TTC39B: variants seen among roughly 807,000 people sequenced by gnomAD.
TTC39B encodes tetratricopeptide repeat domain 39B, also known as tetratricopeptide repeat protein 39B.
In TTC39B, 92 loss-of-function variants were observed where a neutral mutation model predicts 96.6. That is an observed-to-expected ratio of 0.95 (90% CI 0.80 to 1.13). The LOEUF is 1.13. TTC39B is among the 50% of genes most tolerant of loss of function. TTC39B has a pLI of 0.00. For synonymous variants in TTC39B, 367 were observed against 299.4 expected (o/e 1.23, Z -2.33); for missense variants, 955 against 809.3 (o/e 1.18, Z -2.18).
chr9:15,188,496 G>A (rs1352301858), intron 13 of TTC39B, among the ~76,000 whole-genome samples: 2 of 152,110 alleles, frequency 1.3e-5, no homozygotes, highest in Non-Finnish European at 2.9e-5. Context: ...CACTATCTAC[G>A]TAACTGGCAA....
At chr9:15,252,039 C>T (rs1239585336) in intron 2 of TTC39B, among the ~76,000 whole-genome samples, 4 of 151,818 alleles carry the variant, frequency 2.6e-5, no homozygotes, top group Non-Finnish European at 4.4e-5. Flanking sequence ...ATATCATGTG[C>T]GCTGTACTAC....
At chr9:15,181,507 G>T (rs1818246985) in intron 17 of TTC39B, among the ~76,000 whole-genome samples, 1 of 152,196 alleles carries the variant, frequency 6.6e-6, no homozygotes, top group South Asian at 2.1e-4. Context: ...GTGTTACCCA[G>T]AGTCTGATGG....
chr9:15,253,648 G>A (rs576694982), intron 2 of TTC39B, among the ~76,000 whole-genome samples: 2 of 152,328 alleles, frequency 1.3e-5, no homozygotes, highest in Non-Finnish European at 2.9e-5. Flanking sequence ...GTCTGCTTAT[G>A]TCCCTTTGCC....
At chr9:15,219,830 AGGG>A (rs1820743126) in intron 3 of TTC39B, among the ~76,000 whole-genome samples, 2 of 152,216 alleles carry the variant, frequency 1.3e-5, no homozygotes, top group Admixed American at 1.3e-4. Flanking sequence ...GTGAGCTAGT[AGGG>A]CAGGCTCTAC....
At chr9:15,169,975 T>C (rs996439933) in exon 20 of TTC39B, 3 of 152,170 alleles carry the variant, frequency 2.0e-5, no homozygotes, top group African/African-American at 4.8e-5. Flanking sequence ...ACAGTCACAA[T>C]GTGAGTGTGC....
At chr9:15,168,259 G>C (rs530772866) in exon 20 of TTC39B, 1 of 152,224 alleles carries the variant, frequency 6.6e-6, no homozygotes, top group South Asian at 2.1e-4. Context: ...GAAACAACAC[G>C]GTTTACAGGC....
chr9:15,195,309 T>C (rs1331960381), intron 8 of TTC39B, among the ~76,000 whole-genome samples: 1 of 151,928 alleles, frequency 6.6e-6, no homozygotes, highest in Non-Finnish European at 1.5e-5. Flanking sequence ...GTGAGGAAGC[T>C]GAAGAAAAAA....
chr9:15,175,033 G>A (rs557200013), exon 19 of TTC39B: 1 of 1,613,176 alleles, frequency 6.2e-7, no homozygotes, highest in African/African-American at 1.3e-5. Flanking sequence ...CAGTTTCTAG[G>A]AACTTTATGG....
chr9:15,231,480 T>C (rs1236693946), intron 2 of TTC39B, among the ~76,000 whole-genome samples: 3 of 152,260 alleles, frequency 2.0e-5, no homozygotes, highest in Non-Finnish European at 4.4e-5. Flanking sequence ...AAGTACTTAA[T>C]GGCCAATTGT....
Position 15,175,139 on chromosome 9 carries a change from A to G in TTC39B, c.1842-4T>C. ...GTCATACTTCAGTAGCTTTTCACTG[A>G]AAGAGCAGAGGAAAATCAAGTAAAT... On this transcript the variant is annotated splice_region_variant and splice_polypyrimidine_tract_variant and intron_variant, in intron 18 of 19. Transcript: ENST00000512701. 6.3e-7 allele frequency: 1 copy of G among 1,591,854 alleles called. No individual in the cohort carries two copies. The highest frequency in any genetic ancestry group is 8.6e-7 in the Non-Finnish European group (1 of 1,160,632).
At chr9:15,186,244 T>C (rs1818517017) in intron 15 of TTC39B, among the ~76,000 whole-genome samples, 1 of 152,208 alleles carries the variant, frequency 6.6e-6, no homozygotes, top group Non-Finnish European at 1.5e-5. Context: ...AGCTATGGAT[T>C]TTAAACTACA....
intron 2 of TTC39B, among the ~76,000 whole-genome samples, chr9:15,233,469 C>A (rs1333863726): frequency 5.9e-5 from 9 of 151,898 alleles, no homozygotes; most frequent in South Asian, 2.1e-4. Context: ...GATTCTCCTG[C>A]CTCAGCCTGC....
intron 1 of TTC39B, among the ~76,000 whole-genome samples, chr9:15,270,507 G>A (rs1350859855): frequency 1.3e-5 from 2 of 151,702 alleles, no homozygotes; most frequent in Non-Finnish European, 2.9e-5. Flanking sequence ...AATACTTACT[G>A]AGTGAGCGAC....
intron 8 of TTC39B, among the ~76,000 whole-genome samples, chr9:15,193,662 A>T (rs781097058): frequency 1.7e-4 from 26 of 152,132 alleles, no homozygotes; most frequent in Middle Eastern, 3.2e-3. Context: ...AAAATGATGA[A>T]TGTTTATTTG....
At chr9:15,248,184 A>G (rs1379904279) in intron 2 of TTC39B, among the ~76,000 whole-genome samples, 2 of 152,244 alleles carry the variant, frequency 1.3e-5, no homozygotes, top group East Asian at 3.8e-4. Context: ...ATGACAGAAC[A>G]TTCTAACATA....
At chr9:15,219,089 G>A (rs1820695041) in intron 3 of TTC39B, among the ~76,000 whole-genome samples, 1 of 152,138 alleles carries the variant, frequency 6.6e-6, no homozygotes, top group Admixed American at 6.5e-5. Context: ...CATAAAAGTA[G>A]TATTTTAAAT....
intron 3 of TTC39B, among the ~76,000 whole-genome samples, chr9:15,216,805 A>C (rs1820543997): frequency 6.6e-6 from 1 of 152,248 alleles, no homozygotes; most frequent in East Asian, 1.9e-4. Flanking sequence ...TGAACAAGAC[A>C]CACAGGAACC....
intron 6 of TTC39B, among the ~76,000 whole-genome samples, chr9:15,205,866 C>A (rs1252997699): frequency 2.6e-5 from 4 of 151,940 alleles, no homozygotes; most frequent in Non-Finnish European, 5.9e-5. Flanking sequence ...GTAACAGGAG[C>A]AAGGAAAGCC....
At chr9:15,234,600 G>A (rs1821677236) in intron 2 of TTC39B, among the ~76,000 whole-genome samples, 1 of 152,130 alleles carries the variant, frequency 6.6e-6, no homozygotes, top group Non-Finnish European at 1.5e-5. Context: ...GGGGAAAGGT[G>A]GGGAAAAGAT....
Sources: allele counts gnomAD v4.1 joint callset (sites outside exome capture counted in the v4.1 genomes callset), GRCh38; gene constraint gnomAD v4.1.1; transcripts MANE v1.5; gene names NCBI Gene and HGNC (gene_info 2026-07-23, HGNC 2026-07-21).